The following PTPRD variants were observed in gnomAD, a reference collection of about 807,000 sequenced individuals.
PTPRD encodes protein tyrosine phosphatase receptor type D, also known as receptor-type tyrosine-protein phosphatase delta.
A neutral mutation model predicts 214.5 loss-of-function variants in PTPRD; 34 were observed. The observed-to-expected ratio is 0.16, with a 90% CI of 0.12 to 0.21. The LOEUF (loss-of-function observed/expected upper bound fraction) is 0.21, where lower values mean the gene tolerates loss of function less well. Among genes scored for constraint, PTPRD ranks in the 10% least tolerant of loss-of-function variants. The pLI is 1.00. For missense variants in PTPRD, 2,545 were observed against 2,398.7 expected, an observed-to-expected ratio of 1.06 and a Z score of -1.27; for synonymous variants, 1,128 against 845.7, an observed-to-expected ratio of 1.33 and a Z score of -5.79.
At chr9:10,199,220 A>C (rs2154331662) in intron 3 of PTPRD, among the ~76,000 whole-genome samples, 1 of 152,192 alleles carries the variant, frequency 6.6e-6, no homozygotes, top group South Asian at 2.1e-4. Context: ...GTTAAAAAAC[A>C]ATATATGGTC....
intron 14 of PTPRD, among the ~76,000 whole-genome samples, chr9:8,544,467 CTTTTTTTTTTTT>C (rs34002040): frequency 8.6e-6 from 1 of 116,210 alleles, no homozygotes; most frequent in African/African-American, 3.5e-5. Context: ...AAAAAAATAA[CTTTTTTTTTTTT>C]TTTTTTTTTG....
intron 8 of PTPRD, among the ~76,000 whole-genome samples, chr9:9,473,230 A>G (rs1410551693): frequency 6.6e-6 from 1 of 152,150 alleles, no homozygotes; most frequent in African/African-American, 2.4e-5. Context: ...AACATGCAAT[A>G]TGCCTTTCTG....
At chr9:9,840,419 C>T (rs2058013564) in intron 5 of PTPRD, among the ~76,000 whole-genome samples, 1 of 151,934 alleles carries the variant, frequency 6.6e-6, no homozygotes, top group South Asian at 2.1e-4. Context: ...ATCCTTCAGT[C>T]TTCAAGTTAA....
chr9:9,848,214 G>C (rs1004024137), intron 5 of PTPRD, among the ~76,000 whole-genome samples: 2 of 152,048 alleles, frequency 1.3e-5, no homozygotes, highest in Admixed American at 1.3e-4. Context: ...AATTTTCAGA[G>C]GCACTAGCTG....
intron 8 of PTPRD, among the ~76,000 whole-genome samples, chr9:9,497,245 A>G (rs2096235635): frequency 6.6e-6 from 1 of 152,132 alleles, no homozygotes; most frequent in South Asian, 2.1e-4. Flanking sequence ...TAGGATAGTA[A>G]CTTTTATGTC....
In PTPRD at chr9:9,076,687, C is replaced by T. The variant is rs115498388; in HGVS notation, c.-142-57952G>A. Among the ~76,000 whole-genome samples, 1,315 of 152,078 alleles carry T rather than the reference C, an allele frequency of 8.6e-3. 17 individuals are homozygous for T. The highest frequency in any genetic ancestry group is 0.029 in the African/African-American group (1,216 of 41,496). ...CTGTGTGAATGTACATTTTCTTTAT[C>T]CATTCATCTGAGGATGGACATTAGG... On this transcript the variant is annotated intron_variant, in intron 10 of 45. Transcript: ENST00000381196.
At chr9:8,743,377 G>A (rs7870548) in intron 11 of PTPRD, among the ~76,000 whole-genome samples, 11,152 of 152,216 alleles carry the variant, frequency 0.073, 1,095 homozygotes, top group African/African-American at 0.23. Flanking sequence ...ACTGATGTCA[G>A]TCAGTGAATA....
chr9:8,983,047 A>G (rs1168483816), intron 11 of PTPRD, among the ~76,000 whole-genome samples: 1 of 152,086 alleles, frequency 6.6e-6, no homozygotes, highest in Non-Finnish European at 1.5e-5. Flanking sequence ...GTACTGTGGA[A>G]AAAAATCTAT....
chr9:10,506,439 C>A (rs1017044175), intron 2 of PTPRD, among the ~76,000 whole-genome samples: 1 of 151,970 alleles, frequency 6.6e-6, no homozygotes, highest in Non-Finnish European at 1.5e-5. Flanking sequence ...ATGATTTCGA[C>A]TAATTTATGT....
chr9:8,454,114 T>C (rs2096078947), intron 33 of PTPRD, among the ~76,000 whole-genome samples: 1 of 152,160 alleles, frequency 6.6e-6, no homozygotes, highest in Admixed American at 6.5e-5. Context: ...TAATTTTGAA[T>C]TGGGGAAGAG....
At chr9:9,094,675 A>G (rs980860524) in intron 10 of PTPRD, among the ~76,000 whole-genome samples, 5 of 152,150 alleles carry the variant, frequency 3.3e-5, no homozygotes, top group Admixed American at 1.3e-4. Context: ...CTATTGGAAT[A>G]AAAAACTAAA....
At chr9:9,862,507 T>G (rs1388530857) in intron 5 of PTPRD, among the ~76,000 whole-genome samples, 1 of 152,208 alleles carries the variant, frequency 6.6e-6, no homozygotes, top group Non-Finnish European at 1.5e-5. Flanking sequence ...CAAAGCTTTT[T>G]CCCATATTTT....
At chr9:9,629,949 C>A (rs1351193544) in intron 7 of PTPRD, among the ~76,000 whole-genome samples, 1 of 151,846 alleles carries the variant, frequency 6.6e-6, no homozygotes, top group Non-Finnish European at 1.5e-5. Flanking sequence ...GAAAAACTTC[C>A]AGGAAGGAAA....
chr9:9,976,025 C>A (rs914481073), intron 4 of PTPRD, among the ~76,000 whole-genome samples: 9 of 152,134 alleles, frequency 5.9e-5, no homozygotes, highest in African/African-American at 2.2e-4. Flanking sequence ...AACTAGAACA[C>A]CAGTCTTCAA....
chr9:9,612,947 T>G (rs2154346432), intron 7 of PTPRD, among the ~76,000 whole-genome samples: 1 of 151,754 alleles, frequency 6.6e-6, no homozygotes, highest in East Asian at 2.0e-4. Flanking sequence ...AGTTTTAAAA[T>G]CACACTTCTG....
chr9:10,069,581 G>T (rs1164172389), intron 3 of PTPRD, among the ~76,000 whole-genome samples: 1 of 151,852 alleles, frequency 6.6e-6, no homozygotes, highest in Non-Finnish European at 1.5e-5. Context: ...CAGAATTATG[G>T]TGCACAAGTC....
chr9:10,028,852 G>T (rs2096984705), intron 4 of PTPRD, among the ~76,000 whole-genome samples: 1 of 152,180 alleles, frequency 6.6e-6, no homozygotes, highest in African/African-American at 2.4e-5. Context: ...AAGTAATGAG[G>T]ATTCAAATTC....
rs1816844699 is a variant in PTPRD at position 8,316,477 on chromosome 9, C to T, written c.*1397G>A. The T allele has an allele frequency of 8.7e-6, 2 of 229,834 alleles. No homozygotes were observed. The highest frequency in any genetic ancestry group is 3.6e-4 in the South Asian group (2 of 5,494). The allele number at this position is 229,834 out of a possible 1,614,324, so 14.2% of individuals were successfully genotyped here. ...TTGCCCCTGTTACATATCATAAATG[C>T]AAATTTCATAGCACATACTATAGAC... On this transcript the variant is annotated 3_prime_UTR_variant, in exon 46 of 46. Coordinates refer to ENST00000381196, the MANE Select transcript of PTPRD (RefSeq NM_002839.4).
At chr9:8,614,049 G>A (rs1422497526) in intron 14 of PTPRD, among the ~76,000 whole-genome samples, 2 of 151,494 alleles carry the variant, frequency 1.3e-5, no homozygotes, top group African/African-American at 2.4e-5. Flanking sequence ...GTTTTGTTCT[G>A]TTATTTGATA....
Sources: gnomAD v4.1 joint callset for allele counts (sites outside exome capture counted in the v4.1 genomes callset) on GRCh38, gnomAD v4.1.1 for gene constraint, MANE v1.5 for transcripts, NCBI Gene and HGNC (gene_info 2026-07-23, HGNC 2026-07-21) for gene names.